Variants in GLI3 observed in about 807,000 individuals in gnomAD.
The protein encoded by GLI3 is transcription activator GLI3.
A neutral mutation model predicts 100.8 loss-of-function variants in GLI3; 20 were observed. That is an observed-to-expected ratio of 0.20 (90% CI 0.14 to 0.29). GLI3 has a LOEUF of 0.29. Ranked by LOEUF, GLI3 falls within the 10% of genes least tolerant of loss-of-function variation. The probability of loss-of-function intolerance (pLI) is 1.00; values close to 1 mark genes in which losing one functional copy is unlikely to be tolerated. For synonymous variants in GLI3, 938 were observed against 860.5 expected (o/e 1.09, Z -1.58); for missense variants, 2,040 against 2,128.5 (o/e 0.96, Z 0.82).
chr7:42,248,035 G>C (rs1027564895), intron 1 of GLI3, among the ~76,000 whole-genome samples: 1 of 152,128 alleles, frequency 6.6e-6, no homozygotes, highest in Non-Finnish European at 1.5e-5. Context: ...ATTTGGATCG[G>C]TATGTCAATA....
At chr7:42,161,395 T>C (rs1370975477) in intron 2 of GLI3, among the ~76,000 whole-genome samples, 1 of 152,308 alleles carries the variant, frequency 6.6e-6, no homozygotes, top group East Asian at 1.9e-4. Flanking sequence ...AAATCGCCTG[T>C]TAAAATCTGA....
At chr7:42,009,903 C>A (rs545892292) in intron 10 of GLI3, among the ~76,000 whole-genome samples, 15 of 152,306 alleles carry the variant, frequency 9.8e-5, no homozygotes, top group African/African-American at 3.6e-4. Context: ...CATCAGGACC[C>A]ACAGTAGCCC....
chr7:41,994,336 C>A (rs1223697497), intron 10 of GLI3, among the ~76,000 whole-genome samples: 1 of 152,182 alleles, frequency 6.6e-6, no homozygotes, highest in African/African-American at 2.4e-5. Flanking sequence ...CCTCCTTAAT[C>A]TGCTTGTGGA....
chr7:42,148,691 G>C (rs949827581), intron 2 of GLI3, among the ~76,000 whole-genome samples: 1 of 152,178 alleles, frequency 6.6e-6, no homozygotes, highest in East Asian at 1.9e-4. Flanking sequence ...AAGGATGAAG[G>C]AGAGCAGGAA....
intron 1 of GLI3, among the ~76,000 whole-genome samples, chr7:42,223,745 C>A (rs376291798): frequency 6.6e-6 from 1 of 152,054 alleles, no homozygotes; most frequent in Non-Finnish European, 1.5e-5. Flanking sequence ...AAAGAGAGTC[C>A]GACAATTTCT....
At chr7:42,147,320 A>G (rs1786737405) in intron 3 of GLI3, among the ~76,000 whole-genome samples, 1 of 152,210 alleles carries the variant, frequency 6.6e-6, no homozygotes, top group Admixed American at 6.5e-5. Context: ...TTTGCCTTAA[A>G]ACACTAAAAT....
rs1051364593 is a variant in GLI3 at position 42,174,714 on chromosome 7, A to G, written c.125-26246T>C. On this transcript the variant is annotated intron_variant, in intron 2 of 14. Coordinates refer to ENST00000395925, the MANE Select transcript of GLI3 (RefSeq NM_000168.6). ...GTCGGATCACAGTTCGTTTTTGATG[A>G]ACTGTGTTCATCAACCGCCCCCCAG... Among the ~76,000 whole-genome samples the G allele has an allele frequency of 3.3e-5, 5 of 152,262 alleles. No homozygotes were observed. The South Asian group carries it at 6.2e-4, about 19-fold the overall frequency.
chr7:42,164,211 G>A (rs555746830), intron 2 of GLI3, among the ~76,000 whole-genome samples: 4 of 152,276 alleles, frequency 2.6e-5, no homozygotes, highest in South Asian at 2.1e-4. Flanking sequence ...GTATATTCCC[G>A]TGTTGAAATC....
intron 10 of GLI3, among the ~76,000 whole-genome samples, chr7:42,022,904 C>T (rs1439978023): frequency 6.6e-6 from 1 of 152,154 alleles, no homozygotes; most frequent in African/African-American, 2.4e-5. Context: ...TCCAAAACAT[C>T]CATCACTAAA....
intron 2 of GLI3, among the ~76,000 whole-genome samples, chr7:42,199,521 C>T (rs7796149): frequency 0.13 from 20,401 of 152,182 alleles, 1,812 homozygotes; most frequent in Non-Finnish European, 0.2. Flanking sequence ...ACCTCAACTG[C>T]TTTCGTTTTT....
chr7:41,961,249 T>TACA lies in GLI3; in HGVS notation c.*3080_*3081insTGT. Reference sequence around the variant, plus strand: ...AAAAGGTGAAAAAAATGAACTTGTATTTTATTTTACATGTCTGCAGGATAC... The same window carrying TACA: ...AAAAGGTGAAAAAAATGAACTTGTATACATTTATTTTACATGTCTGCAGGATAC... On this transcript the variant is annotated 3_prime_UTR_variant, in exon 15 of 15. Transcript: ENST00000395925. 1 of 152,636 alleles carries TACA rather than the reference T, an allele frequency of 6.6e-6. No homozygotes were observed. Among genetic ancestry groups the TACA allele is most frequent in the African/African-American group, 2.4e-5 (1 of 41,452 alleles). The allele number at this position is 152,636 out of a possible 1,614,324, so 9.5% of individuals were successfully genotyped here. A position where few individuals can be genotyped will look rare whatever the true frequency, so the allele number is the denominator to read the frequency against.
At chr7:42,235,910 G>C (rs1418905257) in intron 1 of GLI3, among the ~76,000 whole-genome samples, 1 of 152,232 alleles carries the variant, frequency 6.6e-6, no homozygotes, top group Non-Finnish European at 1.5e-5. Flanking sequence ...CTGTACCCAA[G>C]GCCAGAATCT....
intron 3 of GLI3, among the ~76,000 whole-genome samples, chr7:42,143,910 T>G (rs1459479740): frequency 6.6e-6 from 1 of 152,176 alleles, no homozygotes; most frequent in Non-Finnish European, 1.5e-5. Context: ...AGCAGGCATC[T>G]TTCTGCTCCC....
At chr7:42,167,593 G>A (rs1033778027) in intron 2 of GLI3, among the ~76,000 whole-genome samples, 6 of 152,244 alleles carry the variant, frequency 3.9e-5, no homozygotes, top group Admixed American at 6.5e-5. Flanking sequence ...AGCTTTTTCC[G>A]TATACATACA....
At chr7:42,233,880 G>A (rs1178655846) in intron 1 of GLI3, among the ~76,000 whole-genome samples, 2 of 152,150 alleles carry the variant, frequency 1.3e-5, no homozygotes, top group African/African-American at 2.4e-5. Flanking sequence ...TTTAACAAAC[G>A]TGTGTGTATG....
upstream of GLI3, among the ~76,000 whole-genome samples, chr7:42,238,209 G>A (rs1311669711): frequency 6.6e-6 from 1 of 151,128 alleles, no homozygotes; most frequent in Non-Finnish European, 1.5e-5. Context: ...TCTCCACACC[G>A]CCAGGACACC....
At chr7:42,112,790 G>A (rs1785745741) in intron 3 of GLI3, among the ~76,000 whole-genome samples, 1 of 148,970 alleles carries the variant, frequency 6.7e-6, no homozygotes, top group Non-Finnish European at 1.5e-5. Context: ...CACTGTAGAG[G>A]TGCATATCTG....
At chr7:42,064,080 C>T (rs1784626049) in intron 4 of GLI3, among the ~76,000 whole-genome samples, 1 of 152,142 alleles carries the variant, frequency 6.6e-6, no homozygotes, top group Non-Finnish European at 1.5e-5. Flanking sequence ...GCAGTATACA[C>T]AAAGTGTCAC....
At chr7:42,187,921 C>G (rs984305580) in intron 2 of GLI3, among the ~76,000 whole-genome samples, 1 of 143,686 alleles carries the variant, frequency 7.0e-6, no homozygotes, top group African/African-American at 2.7e-5. Flanking sequence ...GAGAATCGCT[C>G]GAACCCGGGA....
Sources: allele counts gnomAD v4.1 joint callset (sites outside exome capture counted in the v4.1 genomes callset), GRCh38; gene constraint gnomAD v4.1.1; transcripts MANE v1.5; gene names NCBI Gene and HGNC (gene_info 2026-07-23, HGNC 2026-07-21).